Variants in ASAP1 observed in about 807,000 individuals in gnomAD.
The protein encoded by ASAP1 is ArfGAP with SH3 domain, ankyrin repeat and PH domain 1.
In ASAP1, 43 loss-of-function variants were observed where a neutral mutation model predicts 145.2. The ratio of observed to expected loss-of-function variants is 0.30; its 90% confidence interval spans 0.23 to 0.38. The LOEUF is 0.38. Among genes scored for constraint, ASAP1 ranks in the 10% least tolerant of loss-of-function variants. The pLI, the probability that ASAP1 is intolerant of heterozygous loss-of-function variation, is 1.00. For missense variants in ASAP1, 1,018 were observed against 1,355.3 expected, an observed-to-expected ratio of 0.75 and a Z score of 3.91; for synonymous variants, 546 against 515.5, an observed-to-expected ratio of 1.06 and a Z score of -0.80.
chr8:130,402,508 AG>A (rs1272480493), intron 1 of ASAP1, among the ~76,000 whole-genome samples: 1 of 152,228 alleles, frequency 6.6e-6, no homozygotes, highest in African/African-American at 2.4e-5. Flanking sequence ...CACAGAGCAC[AG>A]GAAGTCTGGG....
At chr8:130,124,848 G>C (rs773172715) in intron 17 of ASAP1, among the ~76,000 whole-genome samples, 15 of 152,158 alleles carry the variant, frequency 9.9e-5, no homozygotes, top group Non-Finnish European at 2.1e-4. Flanking sequence ...AAGGAGATGA[G>C]GGACATCATT....
intron 2 of ASAP1, among the ~76,000 whole-genome samples, chr8:130,382,684 T>TA (rs1471724365): frequency 6.6e-6 from 1 of 151,868 alleles, no homozygotes; most frequent in Non-Finnish European, 1.5e-5. Flanking sequence ...TCATTTCTAT[T>TA]AAAAATACAA....
intron 2 of ASAP1, among the ~76,000 whole-genome samples, chr8:130,372,442 C>T (rs1827255043): frequency 6.6e-6 from 1 of 152,212 alleles, no homozygotes; most frequent in Non-Finnish European, 1.5e-5. Flanking sequence ...ACAGCTGAAA[C>T]AGAACCCCAG....
At chr8:130,328,633 A>G (rs1423292801) in intron 3 of ASAP1, among the ~76,000 whole-genome samples, 1 of 148,762 alleles carries the variant, frequency 6.7e-6, no homozygotes, top group Non-Finnish European at 1.5e-5. Context: ...TTTTTAAGAG[A>G]CAAGGTCTCC....
rs1827766441 is a variant in ASAP1, at chr8:130,381,473, T to C, written c.59+20412A>G. ...ATTTTAGACTTATAGGACATCTCCA[T>C]TCAGACTAGCCATATTTTAAGTTCT... On this transcript the variant is annotated intron_variant, in intron 2 of 29. Transcript: ENST00000518721. Among the ~76,000 whole-genome samples, 5 of 152,208 alleles carry C rather than the reference T, an allele frequency of 3.3e-5. No homozygotes were observed. The South Asian group carries it at 1.0e-3, about 32-fold the overall frequency.
At chr8:130,071,005 A>G (rs1301965115) in intron 27 of ASAP1, among the ~76,000 whole-genome samples, 78 of 5,768 alleles carry the variant, frequency 0.014, no homozygotes, top group Non-Finnish European at 0.018. Flanking sequence ...GAGAGAGGGG[A>G]GGGGGGGAGA....
chr8:130,429,120 G>C (rs910932282), intron 1 of ASAP1, among the ~76,000 whole-genome samples: 4 of 152,108 alleles, frequency 2.6e-5, no homozygotes, highest in Non-Finnish European at 4.4e-5. Flanking sequence ...TCTGCCTCTA[G>C]GTCCTAATTT....
chr8:130,431,789 A>C (rs961120573), intron 1 of ASAP1, among the ~76,000 whole-genome samples: 1 of 151,232 alleles, frequency 6.6e-6, no homozygotes, highest in Non-Finnish European at 1.5e-5. Context: ...GTAGGCACTT[A>C]ATACAGAAAG....
chr8:130,072,906 T>C (rs1239390716), intron 27 of ASAP1, among the ~76,000 whole-genome samples: 1 of 149,168 alleles, frequency 6.7e-6, no homozygotes, highest in East Asian at 2.0e-4. Context: ...GTGTCGGAAC[T>C]GAATTCGAGG....
chr8:130,409,947 G>A (rs915003418), intron 1 of ASAP1, among the ~76,000 whole-genome samples: 3 of 152,216 alleles, frequency 2.0e-5, no homozygotes, highest in Admixed American at 6.5e-5. Flanking sequence ...CTCACAGTCT[G>A]GTGGGGCAGG....
chr8:130,074,483 A>ACT (rs2097457619), intron 27 of ASAP1, among the ~76,000 whole-genome samples: 2 of 149,798 alleles, frequency 1.3e-5, no homozygotes, highest in Admixed American at 6.8e-5. Flanking sequence ...ACACACACAC[A>ACT]CACAGAGAGA....
chr8:130,099,420 T>A (rs191189201), intron 24 of ASAP1, among the ~76,000 whole-genome samples: 2 of 152,198 alleles, frequency 1.3e-5, no homozygotes, highest in African/African-American at 4.8e-5. Flanking sequence ...GACCTCGTGA[T>A]CCGCCCATCG....
chr8:130,134,450 TTAATA>T (rs1273056825), intron 14 of ASAP1, 106 bp from the exon 15 acceptor site: 1 of 617,800 alleles, frequency 1.6e-6, no homozygotes, highest in African/African-American at 1.9e-5. Flanking sequence ...AAGTAGAATT[TTAATA>T]TTATTTTAGT....
intron 25 of ASAP1, chr8:130,082,966 A>G (rs1253593908): frequency 6.6e-6 from 1 of 152,228 alleles, no homozygotes; most frequent in Non-Finnish European, 1.5e-5. Flanking sequence ...AACGTCAAGG[A>G]AAATTTTATG....
At chr8:130,228,468 A>G (rs1817712581) in intron 4 of ASAP1, among the ~76,000 whole-genome samples, 1 of 152,154 alleles carries the variant, frequency 6.6e-6, no homozygotes, top group Non-Finnish European at 1.5e-5. Flanking sequence ...TGGGAAGCGA[A>G]GGTGGGTGAA....
At chr8:130,195,733 G>A (rs11781752) in intron 5 of ASAP1, among the ~76,000 whole-genome samples, 36,758 of 152,112 alleles carry the variant, frequency 0.24, 4,975 homozygotes, top group East Asian at 0.44. Flanking sequence ...GGAAGCAAGT[G>A]ACTGTAATTA....
intron 3 of ASAP1, among the ~76,000 whole-genome samples, chr8:130,267,123 C>CAA (rs759131217): frequency 4.8e-5 from 5 of 104,268 alleles, no homozygotes; most frequent in East Asian, 5.3e-4. Flanking sequence ...AACAAACAAA[C>CAA]AAAAAAAAAA....
intron 13 of ASAP1, among the ~76,000 whole-genome samples, chr8:130,146,239 C>T (rs1035671071): frequency 6.6e-6 from 1 of 151,920 alleles, no homozygotes; most frequent in Non-Finnish European, 1.5e-5. Flanking sequence ...TGGTTTTATA[C>T]CTTCAAATTT....
chr8:130,395,618 C>T lies in ASAP1; in HGVS notation c.59+6267G>A, dbSNP rs1052011527. Among the ~76,000 whole-genome samples the T allele has an allele frequency of 5.3e-5, 8 of 152,300 alleles. No individual in the cohort carries two copies. In the East Asian group the frequency reaches 1.4e-3, roughly 26 times the overall value. ...TACAGGTTTCAGAGGAAGCACGACA[C>T]TGCCAACACGTTGATCTTGAACTTC... On this transcript the variant is annotated intron_variant, in intron 2 of 29. Coordinates refer to ENST00000518721, the MANE Select transcript of ASAP1 (RefSeq NM_018482.4).
Sources: gnomAD v4.1 joint callset for allele counts (sites outside exome capture counted in the v4.1 genomes callset) on GRCh38, gnomAD v4.1.1 for gene constraint, MANE v1.5 for transcripts, NCBI Gene and HGNC (gene_info 2026-07-23, HGNC 2026-07-21) for gene names.